CACNB2: variants seen among roughly 807,000 people sequenced by gnomAD.
CACNB2 encodes calcium voltage-gated channel auxiliary subunit beta 2.
A neutral mutation model predicts 73.3 loss-of-function variants in CACNB2; 42 were observed. That is an observed-to-expected ratio of 0.57 (90% CI 0.45 to 0.74). The LOEUF (loss-of-function observed/expected upper bound fraction) is 0.74. CACNB2 is among the 30% of genes least tolerant of loss of function. CACNB2 has a pLI of 0.00. For missense variants in CACNB2, 940 were observed against 853.0 expected (o/e 1.10, Z -1.27); for synonymous variants, 348 against 310.3 (o/e 1.12, Z -1.28).
At chr10:18,411,428 C>T (rs1267991410) in intron 3 of CACNB2, among the ~76,000 whole-genome samples, 1 of 151,626 alleles carries the variant, frequency 6.6e-6, no homozygotes, top group Non-Finnish European at 1.5e-5. Flanking sequence ...ACAGTAATAG[C>T]ACTTAATGCC....
chr10:18,378,732 A>T (rs1276172781), intron 2 of CACNB2, among the ~76,000 whole-genome samples: 3 of 152,082 alleles, frequency 2.0e-5, no homozygotes, highest in Admixed American at 2.0e-4. Context: ...GTCTGGGGAA[A>T]CCCTGTCTCA....
chr10:18,382,104 T>A (rs2043044765), intron 2 of CACNB2, among the ~76,000 whole-genome samples: 1 of 152,064 alleles, frequency 6.6e-6, no homozygotes, highest in Non-Finnish European at 1.5e-5. Flanking sequence ...CTGATGTTCA[T>A]GTGTGTTTTT....
At chr10:18,271,635 G>A (rs575338815) in intron 2 of CACNB2, among the ~76,000 whole-genome samples, 1 of 151,956 alleles carries the variant, frequency 6.6e-6, no homozygotes, top group Non-Finnish European at 1.5e-5. Flanking sequence ...TCCTTCTCCC[G>A]GTGGCAGCAC....
intron 3 of CACNB2, among the ~76,000 whole-genome samples, chr10:18,403,624 A>G (rs1011039952): frequency 2.0e-5 from 3 of 152,218 alleles, no homozygotes; most frequent in African/African-American, 7.2e-5. Context: ...CATGAGTTAG[A>G]TGACATTGCT....
At chr10:18,354,936 C>T (rs928257377) in intron 2 of CACNB2, among the ~76,000 whole-genome samples, 8 of 146,194 alleles carry the variant, frequency 5.5e-5, no homozygotes, top group African/African-American at 7.6e-5. Context: ...TGAGTACTTA[C>T]GTAGGCTAGA....
Position 18,401,941 on chromosome 10 carries a change from C to T in CACNB2, c.231C>T (p.Tyr77=), listed in dbSNP as rs748150871. Residue 77 remains tyrosine (Y), a synonymous_variant, in exon 3 of 14, where the codon TAC becomes TAT. Transcript: ENST00000324631. ...CTCTCCAGGGTTCGGCAGACTCCTA[C>T]ACTAGCCGTCCATCCGATTCCGATG... The part of the protein sequence containing the change: ...SFVRQGSADS[Y]TSRPSDSDVS... The T allele has an allele frequency of 6.2e-7, 1 of 1,613,910 alleles. No homozygotes were observed. Among genetic ancestry groups the T allele is most frequent in the African/African-American group, 1.3e-5 (1 of 74,938 alleles).
At chr10:18,351,023 C>CT (rs1182670946) in intron 2 of CACNB2, among the ~76,000 whole-genome samples, 1 of 152,032 alleles carries the variant, frequency 6.6e-6, no homozygotes, top group Middle Eastern at 3.2e-3. Context: ...AAATGAGCTG[C>CT]TTTTTTCTTA....
intron 2 of CACNB2, among the ~76,000 whole-genome samples, chr10:18,242,125 GTATA>G: frequency 6.6e-6 from 1 of 150,746 alleles, no homozygotes; most frequent in African/African-American, 2.4e-5. Context: ...GTGTGTGTGT[GTATA>G]TATATATATA....
At chr10:18,368,193 A>G (rs2042433696) in intron 2 of CACNB2, among the ~76,000 whole-genome samples, 1 of 152,194 alleles carries the variant, frequency 6.6e-6, no homozygotes, top group South Asian at 2.1e-4. Flanking sequence ...CTATAATTCC[A>G]TTCTGAGAGT....
At chr10:18,365,040 A>T (rs2042293735) in intron 2 of CACNB2, among the ~76,000 whole-genome samples, 1 of 152,198 alleles carries the variant, frequency 6.6e-6, no homozygotes. Flanking sequence ...ATCTAATCCA[A>T]TCTACTTGGG....
intron 6 of CACNB2, among the ~76,000 whole-genome samples, chr10:18,512,714 C>T (rs1246979158): frequency 6.6e-6 from 1 of 152,136 alleles, no homozygotes; most frequent in Non-Finnish European, 1.5e-5. Flanking sequence ...TAGCATAAAA[C>T]TCCATGCTTT....
chr10:18,282,060 C>A (rs959377056), intron 2 of CACNB2, among the ~76,000 whole-genome samples: 2 of 143,730 alleles, frequency 1.4e-5, no homozygotes, highest in African/African-American at 5.9e-5. Context: ...CATCAGGGCC[C>A]CCTGGAAGAT....
intron 2 of CACNB2, among the ~76,000 whole-genome samples, chr10:18,383,488 A>C (rs1418536556): frequency 6.6e-6 from 1 of 152,170 alleles, no homozygotes; most frequent in Non-Finnish European, 1.5e-5. Flanking sequence ...TTATGTTCAT[A>C]GAGGTGTATA....
chr10:18,297,936 G>T (rs1564414677), intron 2 of CACNB2, among the ~76,000 whole-genome samples: 1 of 152,162 alleles, frequency 6.6e-6, no homozygotes, highest in Non-Finnish European at 1.5e-5. Context: ...GAAGGCCGAA[G>T]AATGTGGATA....
chr10:18,460,067 A>T (rs577424047), intron 3 of CACNB2, among the ~76,000 whole-genome samples: 9 of 152,350 alleles, frequency 5.9e-5, no homozygotes, highest in African/African-American at 2.2e-4. Flanking sequence ...ATCTTACATT[A>T]TTATTTATGT....
intron 10 of CACNB2, among the ~76,000 whole-genome samples, chr10:18,532,825 A>G (rs567192841): frequency 6.6e-6 from 1 of 152,288 alleles, no homozygotes; most frequent in African/African-American, 2.4e-5. Context: ...AGATGAAACA[A>G]AGATGAAAAT....
Sources: gnomAD v4.1 joint callset for allele counts (sites outside exome capture counted in the v4.1 genomes callset) on GRCh38, gnomAD v4.1.1 for gene constraint, MANE v1.5 for transcripts, NCBI Gene and HGNC (gene_info 2026-07-23, HGNC 2026-07-21) for gene names.